The following SMG7 variants were observed in gnomAD, a reference collection of about 807,000 sequenced individuals.
SMG7 encodes nonsense-mediated mRNA decay factor SMG7.
SMG7 carries 34 observed loss-of-function variants against 148.2 expected under a neutral mutation model. The observed-to-expected ratio is 0.23, with a 90% confidence interval of 0.17 to 0.31. The LOEUF (loss-of-function observed/expected upper bound fraction) is 0.31. SMG7 is among the 10% of genes least tolerant of loss of function. The pLI, the probability that SMG7 is intolerant of heterozygous loss-of-function variation, is 1.00. For synonymous variants in SMG7, 492 were observed against 515.1 expected (o/e 0.96, Z 0.61); for missense variants, 1,114 against 1,408.4 (o/e 0.79, Z 3.35).
Position 183,521,311 on chromosome 1 carries a change from C to G in SMG7, c.312+3491C>G, listed in dbSNP as rs1664715995. On this transcript the variant is annotated intron_variant, in intron 4 of 22. Transcript: ENST00000688051. ...ATGGACTTTCGCCATGTTGGCCAGG[C>G]TGGTCTCAAACTTCTGACCTCAGGT... Among the ~76,000 whole-genome samples the G allele has an allele frequency of 2.0e-5, 3 of 152,124 alleles. No homozygotes were observed. In the South Asian group the frequency reaches 6.2e-4, roughly 32 times the overall value.
At chr1:183,497,413 G>A (rs1443118793) in intron 1 of SMG7, among the ~76,000 whole-genome samples, 2 of 152,176 alleles carry the variant, frequency 1.3e-5, no homozygotes, top group African/African-American at 4.8e-5. Flanking sequence ...CTGAAGTCCA[G>A]TTGGCCAAAG....
chr1:183,521,929 G>C (rs1053665223), intron 4 of SMG7, among the ~76,000 whole-genome samples: 11 of 151,756 alleles, frequency 7.2e-5, no homozygotes, highest in Admixed American at 3.9e-4. Context: ...AACATGATCA[G>C]ATTTGCATTT....
Position 183,551,122 on chromosome 1 carries a change from A to C in SMG7, c.3382A>C (p.Ser1128Arg). The stretch of plus-strand genomic sequence containing the variant: ...CAGTTGGCATCAGGCCAGCACTCCG[A>C]GTGGCACCTGGACAGGCCATGGCCC... ...ESSWHQASTPSGTWTGHGPSM... is the reference protein window; with the variant it reads ...ESSWHQASTPRGTWTGHGPSM... Residue 1128 changes from serine (S) to arginine (R), a missense_variant, in exon 22 of 23, where the codon AGT becomes CGT. By Grantham distance (110) the Ser-to-Arg change is moderately radical. Coordinates refer to ENST00000688051, the MANE Select transcript of SMG7 (RefSeq NM_001375584.1). 1 of 1,609,762 alleles carries C rather than the reference A, an allele frequency of 6.2e-7. No individual in the cohort carries two copies. The highest frequency in any genetic ancestry group is 8.5e-7 in the Non-Finnish European group (1 of 1,178,900).
Position 183,537,195 on chromosome 1 carries a change from A to C in SMG7, c.1214A>C (p.Glu405Ala). ...SLLNSFHPHEEDLSSISATPL... is the reference protein window; with the variant it reads ...SLLNSFHPHEADLSSISATPL... ...CTGAATAGTTTCCATCCCCATGAAG[A>C]GGACCTCTCAAGTATTAGTGGTAAG... The change falls in exon 11 of 23, where the codon GAG becomes GCG. Residue 405 changes from glutamate (E) to alanine (A), a missense_variant. By Grantham distance (107) the Glu-to-Ala change is moderately radical (BLOSUM62 -1). Transcript: ENST00000688051. 1 of 1,612,398 alleles carries C rather than the reference A, an allele frequency of 6.2e-7. No homozygotes were observed. Among genetic ancestry groups the C allele is most frequent in the Non-Finnish European group, 8.5e-7 (1 of 1,178,562 alleles).
chr1:183,516,799 T>C (rs1017907554), intron 3 of SMG7, among the ~76,000 whole-genome samples: 1 of 152,218 alleles, frequency 6.6e-6, no homozygotes, highest in African/African-American at 2.4e-5. Flanking sequence ...GAGTCAAGGA[T>C]AAGATGTCAT....
At position 183,545,978 on chromosome 1, in the gene SMG7, G is replaced by A. The variant is rs550924906; in HGVS notation, c.2383G>A (p.Asp795Asn). The change falls in exon 17 of 23, where the codon GAT becomes AAT. Residue 795 changes from aspartate to asparagine, a missense_variant. By Grantham distance (23) the Asp-to-Asn change is conservative. This residue lies in a region of SMG7 where 788 missense variants were observed against 894.5 expected (regional missense o/e 0.88). Transcript: ENST00000688051. ...HSGFQQYQQA[D>N]ASKQLWNPPQ... is the part of the protein sequence containing the mutation. Reference sequence around the variant, plus strand: ...GTCTCTTTTTTAGTATCAACAGGCAGATGCCTCCAAACAGCTGTGGAATCC... The same window carrying A: ...GTCTCTTTTTTAGTATCAACAGGCAAATGCCTCCAAACAGCTGTGGAATCC... 1.9e-6 allele frequency: 3 copies of A among 1,594,188 alleles called. No individual in the cohort carries two copies. The South Asian group carries it at 3.4e-5, about 18-fold the overall frequency.
chr1:183,533,690 A>T lies in SMG7; in HGVS notation c.1021A>T (p.Ile341Phe), dbSNP rs749662082. ...LLALFMSFLG[I>F]LCKCPLQNES... is the part of the protein sequence containing the mutation. ...TTTTTTTCAAGTGTCTTTTCTTGGC[A>T]TCCTGTGCAAGTGTCCTCTACAGAA... The change falls in exon 10 of 23, where the codon ATC becomes TTC. Residue 341 changes from isoleucine (I) to phenylalanine (F), a missense_variant. By Grantham distance (21) the Ile-to-Phe change is conservative (BLOSUM62 0). Transcript: ENST00000688051. The T allele has an allele frequency of 5.0e-6, 8 of 1,600,678 alleles. No individual in the cohort carries two copies. The South Asian group carries it at 8.0e-5, about 16-fold the overall frequency.
intron 3 of SMG7, 77 bp from the exon 4 acceptor site, chr1:183,517,611 C>T (rs1663842326): frequency 1.5e-6 from 2 of 1,356,724 alleles, no homozygotes; most frequent in African/African-American, 1.4e-5. Context: ...ACAGACAGTT[C>T]TTTCTTGTTC....
intron 12 of SMG7, among the ~76,000 whole-genome samples, chr1:183,540,720 T>C (rs976802776): frequency 2.0e-5 from 3 of 152,234 alleles, no homozygotes; most frequent in Non-Finnish European, 4.4e-5. Flanking sequence ...TTGTGGTTTA[T>C]TTGAGCTCCC....
In SMG7 at chr1:183,553,110, T is replaced by C. The variant is rs1195037037; in HGVS notation, c.*1179T>C. 1.3e-6 allele frequency: 2 copies of C among 1,535,964 alleles called. No individual in the cohort carries two copies. Among genetic ancestry groups the C allele is most frequent in the Non-Finnish European group, 1.7e-6 (2 of 1,146,896 alleles). Reference sequence around the variant, plus strand: ...AGTCTCCCAGCCTCCACTTTCAGAGTGAAATTCAAGGCAGCACGGACATGT... The same window carrying C: ...AGTCTCCCAGCCTCCACTTTCAGAGCGAAATTCAAGGCAGCACGGACATGT... On this transcript the variant is annotated 3_prime_UTR_variant, in exon 23 of 23. Transcript: ENST00000688051.
chr1:183,527,497 CT>C lies in SMG7; in HGVS notation c.485-456del. ...TAGGTTGTTTTGCTTTAAATATAAT[CT>C]TTGCACACACATATTTAATATTGCA... On this transcript the variant is annotated intron_variant, in intron 5 of 22. Transcript: ENST00000688051. This position sits in a 1 kb window ranked among gnomAD's most constrained non-coding sequence, Gnocchi z 4.0. The C allele has an allele frequency of 2.5e-6, 1 of 401,872 alleles. No homozygotes were observed. Among genetic ancestry groups the C allele is most frequent in the South Asian group, 1.9e-5 (1 of 51,972 alleles). 24.9% of individuals were successfully genotyped at this position (401,872 alleles called of 1,614,324 possible).
intron 1 of SMG7, chr1:183,502,509 C>G (rs1659961781): frequency 1.2e-6 from 1 of 821,244 alleles, no homozygotes; most frequent in South Asian, 2.9e-5. Context: ...TGATTTTGGC[C>G]AAGATCGGGA....
intron 1 of SMG7, among the ~76,000 whole-genome samples, chr1:183,477,840 AT>A (rs911066572): frequency 1.3e-5 from 2 of 152,064 alleles, no homozygotes; most frequent in Non-Finnish European, 1.5e-5. Flanking sequence ...ATATACATAT[AT>A]TTTTTGTATG....
chr1:183,497,679 C>T (rs1439532313), intron 1 of SMG7, among the ~76,000 whole-genome samples: 1 of 152,124 alleles, frequency 6.6e-6, no homozygotes, highest in African/African-American at 2.4e-5. Context: ...ATGCGATTCT[C>T]CTGCCTCAGC....
At position 183,529,403 on chromosome 1, in the gene SMG7, A is replaced by T; in HGVS notation, c.713A>T (p.Asp238Val). The change falls in exon 8 of 23, where the codon GAT (aspartate) becomes GTT (valine). Residue 238 changes from aspartate to valine, a missense_variant. By Grantham distance (152) the Asp-to-Val change is radical. Coordinates refer to ENST00000688051, the MANE Select transcript of SMG7 (RefSeq NM_001375584.1). ...ATTTTTTTCTTTCATTTCAGCCGAGATGAGGTGAAAACCAAGTGGGGTGTT... is the reference window on the plus strand; with the variant it reads ...ATTTTTTTCTTTCATTTCAGCCGAGTTGAGGTGAAAACCAAGTGGGGTGTT... ...KALSKALESR[D>V]EVKTKWGVSD... 1 of 1,611,028 alleles carries T rather than the reference A, an allele frequency of 6.2e-7. No homozygotes were observed. Among genetic ancestry groups the T allele is most frequent in the Non-Finnish European group, 8.5e-7 (1 of 1,178,900 alleles).
intron 12 of SMG7, among the ~76,000 whole-genome samples, chr1:183,538,656 G>A (rs1668223576): frequency 6.6e-6 from 1 of 152,066 alleles, no homozygotes; most frequent in Non-Finnish European, 1.5e-5. Flanking sequence ...CTTTCCATCT[G>A]TGCCCTTGAT....
intron 1 of SMG7, among the ~76,000 whole-genome samples, chr1:183,500,555 G>A (rs1305267673): frequency 1.3e-5 from 2 of 152,164 alleles, no homozygotes; most frequent in Non-Finnish European, 2.9e-5. Context: ...CTACATATGC[G>A]TAATTGAATA....
chr1:183,486,216 T>G (rs1655376419), intron 1 of SMG7, among the ~76,000 whole-genome samples: 1 of 152,226 alleles, frequency 6.6e-6, no homozygotes, highest in Admixed American at 6.5e-5. Flanking sequence ...ACCCAGTAAA[T>G]GTTGGCTAAT....
chr1:183,515,299 T>G (rs1663223699), intron 2 of SMG7, among the ~76,000 whole-genome samples: 1 of 152,190 alleles, frequency 6.6e-6, no homozygotes, highest in African/African-American at 2.4e-5. Flanking sequence ...CTCATTAAAA[T>G]AATACTGTCA....
Sources: gnomAD v4.1 joint callset for allele counts (sites outside exome capture counted in the v4.1 genomes callset) on GRCh38, gnomAD v4.1.1 for gene constraint, gnomAD v4.1.1 regional missense constraint, Gnocchi (gnomAD v3.1) non-coding constraint, MANE v1.5 for transcripts, NCBI Gene and HGNC (gene_info 2026-07-23, HGNC 2026-07-21) for gene names.